The following COG7 variants were observed in gnomAD, a reference collection of about 807,000 sequenced individuals.
The protein encoded by COG7 is component of oligomeric golgi complex 7.
A neutral mutation model predicts 91.5 loss-of-function variants in COG7; 49 were observed. The ratio of observed to expected loss-of-function variants is 0.54; its 90% CI spans 0.43 to 0.68. The LOEUF is 0.68. Among genes scored for constraint, COG7 ranks in the 30% least tolerant of loss-of-function variants. The pLI, the probability that COG7 is intolerant of heterozygous loss-of-function variation, is 0.00. For missense variants in COG7, 895 were observed against 961.3 expected (o/e 0.93, Z 0.91); for synonymous variants, 365 against 388.7 (o/e 0.94, Z 0.72).
At chr16:23,393,106 T>C (rs1963227250) in intron 15 of COG7, 127 bp downstream of exon 15, 1 of 728,608 alleles carries the variant, frequency 1.4e-6, no homozygotes, top group Non-Finnish European at 2.5e-6. Context: ...AAAAAGTACA[T>C]GTTAGAAGGT....
intron 7 of COG7, among the ~76,000 whole-genome samples, chr16:23,420,759 T>G (rs1156770302): frequency 6.6e-6 from 1 of 152,144 alleles, no homozygotes; most frequent in Non-Finnish European, 1.5e-5. Context: ...TTCTTTTTTC[T>G]TCGAGACAGG....
At chr16:23,441,542 G>A (rs533198025) in intron 4 of COG7, among the ~76,000 whole-genome samples, 3 of 152,064 alleles carry the variant, frequency 2.0e-5, no homozygotes, top group Non-Finnish European at 4.4e-5. Flanking sequence ...GCCACTGCAC[G>A]CCAGCATGGG....
chr16:23,394,147 G>T (rs1161049604), intron 14 of COG7, among the ~76,000 whole-genome samples: 1 of 150,638 alleles, frequency 6.6e-6, no homozygotes, highest in Non-Finnish European at 1.5e-5. Context: ...AATTCTGTTT[G>T]AAAAAAAGCC....
intron 6 of COG7, among the ~76,000 whole-genome samples, chr16:23,427,956 A>G (rs1963874559): frequency 1.3e-5 from 2 of 152,110 alleles, no homozygotes; most frequent in African/African-American, 2.4e-5. Context: ...TGGGCAGAGC[A>G]CTTGAGGCCA....
chr16:23,450,553 C>T (rs952612823), intron 1 of COG7, among the ~76,000 whole-genome samples: 1 of 152,134 alleles, frequency 6.6e-6, no homozygotes, highest in Admixed American at 6.6e-5. Context: ...AAGGGCTGGG[C>T]GCGGTGGCTC....
chr16:23,420,528 CCT>C (rs1489747267), intron 7 of COG7, among the ~76,000 whole-genome samples: 1 of 152,158 alleles, frequency 6.6e-6, no homozygotes, highest in African/African-American at 2.4e-5. Context: ...ACATGCTGAT[CCT>C]CTGTCTGGAA....
intron 11 of COG7, among the ~76,000 whole-genome samples, chr16:23,409,808 A>G (rs1963533155): frequency 6.6e-6 from 1 of 152,184 alleles, no homozygotes; most frequent in African/African-American, 2.4e-5. Flanking sequence ...GGCAGACCCC[A>G]GAGATTCCCC....
At chr16:23,440,508 C>G (rs1473112285) in intron 4 of COG7, among the ~76,000 whole-genome samples, 1 of 146,710 alleles carries the variant, frequency 6.8e-6, no homozygotes, top group East Asian at 2.1e-4. Context: ...AAAACAAAAC[C>G]TATTTTTTTT....
Position 23,452,891 on chromosome 16 carries a change from C to G in COG7, c.104G>C (p.Gly35Ala), listed in dbSNP as rs1471993723. The change falls in exon 1 of 17, where the codon GGC (glycine) becomes GCC (alanine). Residue 35 changes from glycine to alanine, a missense_variant. Physicochemically the swap from Gly to Ala is moderately conservative, Grantham distance 60 (BLOSUM62 0). Transcript: ENST00000307149. ...SKEAASGKAD[G>A]HAATLVMKLQ... Reference sequence around the variant, plus strand: ...CTTCATCACCAGGGTGGCTGCGTGGCCATCCGCCTTCCCGGACGCCGCCTC... The same window carrying G: ...CTTCATCACCAGGGTGGCTGCGTGGGCATCCGCCTTCCCGGACGCCGCCTC... 1 of 1,613,884 alleles carries G rather than the reference C, an allele frequency of 6.2e-7. No homozygotes were observed. Among genetic ancestry groups the G allele is most frequent in the African/African-American group, 1.3e-5 (1 of 74,936 alleles).
At chr16:23,420,886 G>C (rs1346618910) in intron 7 of COG7, among the ~76,000 whole-genome samples, 1 of 150,990 alleles carries the variant, frequency 6.6e-6, no homozygotes, top group Non-Finnish European at 1.5e-5. Context: ...TAGTACTACA[G>C]GTGTATGCTA....
At chr16:23,416,773 G>A (rs1963661919) in intron 9 of COG7, 194 bp downstream of exon 9, 1 of 654,700 alleles carries the variant, frequency 1.5e-6, no homozygotes, top group Admixed American at 2.4e-5. Context: ...TCCCTAATGG[G>A]TAGACATTTA....
intron 6 of COG7, among the ~76,000 whole-genome samples, chr16:23,425,898 TG>T (rs1034953032): frequency 3.8e-4 from 58 of 152,174 alleles, no homozygotes; most frequent in African/African-American, 1.3e-3. Context: ...ATTTTTTTGA[TG>T]GTCACCAAAA....
At chr16:23,414,714 A>G (rs1340285541) in intron 9 of COG7, 2 of 152,202 alleles carry the variant, frequency 1.3e-5, no homozygotes, top group Admixed American at 1.3e-4. Flanking sequence ...TCATACTTAT[A>G]TCCCCAGGAA....
intron 16 of COG7, among the ~76,000 whole-genome samples, chr16:23,390,526 A>T (rs1482226790): frequency 6.6e-6 from 1 of 150,862 alleles, no homozygotes; most frequent in Non-Finnish European, 1.5e-5. Context: ...CTACTTTCTG[A>T]TCTTGGGTTC....
At chr16:23,393,147 G>A in intron 15 of COG7, 86 bp downstream of exon 15, 7 of 927,026 alleles carry the variant, frequency 7.6e-6, no homozygotes, top group Non-Finnish European at 1.2e-5. Context: ...TGACAAATGA[G>A]CCCAAGGATA....
Position 23,413,441 on chromosome 16 carries a change from G to A in COG7, c.1409+7C>T, listed in dbSNP as rs373366651. On this transcript the variant is annotated splice_region_variant and intron_variant, in intron 10 of 16. Coordinates refer to ENST00000307149, the MANE Select transcript of COG7 (RefSeq NM_153603.4). ...GGAACAAGCTTGAATTACAACCCCC[G>A]GTTTACCTAATGGAGTTCTGAAAAG... 2.5e-4 allele frequency: 344 copies of A among 1,371,326 alleles called. 2 individuals are homozygous for A. The highest frequency in any genetic ancestry group is 1.8e-3 in the African/African-American group (128 of 70,244). The allele number at this position is 1,371,326 out of a possible 1,614,324, so 84.9% of individuals were successfully genotyped here.
At chr16:23,390,918 A>T (rs1047239328) in intron 16 of COG7, among the ~76,000 whole-genome samples, 2 of 152,254 alleles carry the variant, frequency 1.3e-5, no homozygotes, top group African/African-American at 4.8e-5. Flanking sequence ...CAAGAGCTGC[A>T]AAGAGCGGGC....
chr16:23,437,858 G>A (rs780680119), intron 4 of COG7, among the ~76,000 whole-genome samples: 6 of 152,118 alleles, frequency 3.9e-5, no homozygotes, highest in Admixed American at 6.6e-5. Context: ...AGGCTGAGGC[G>A]GGTGGATCAC....
In COG7 at chr16:23,452,905, G is replaced by A. The variant is rs1321262415; in HGVS notation, c.90C>T (p.Ser30=). ...AFRAGSKEAA[S]GKADGHAATL... is the part of the protein sequence containing the mutation. ...TGGCTGCGTGGCCATCCGCCTTCCCGGACGCCGCCTCCTTGGAGCCGGCCC... is the reference window on the plus strand; with the variant it reads ...TGGCTGCGTGGCCATCCGCCTTCCCAGACGCCGCCTCCTTGGAGCCGGCCC... Residue 30 remains serine, a synonymous_variant, in exon 1 of 17, where the codon TCC becomes TCT. Transcript: ENST00000307149. 3 of 1,613,936 alleles carry A rather than the reference G, an allele frequency of 1.9e-6. No homozygotes were observed. Among genetic ancestry groups the A allele is most frequent in the East Asian group, 2.2e-5 (1 of 44,888 alleles).
Sources: gnomAD v4.1 joint callset for allele counts (sites outside exome capture counted in the v4.1 genomes callset) on GRCh38, gnomAD v4.1.1 for gene constraint, MANE v1.5 for transcripts, NCBI Gene and HGNC (gene_info 2026-07-23, HGNC 2026-07-21) for gene names.